TRPV4: variants seen among roughly 807,000 people sequenced by gnomAD.
TRPV4 encodes the protein OSM9-like transient receptor potential channel 4.
Under a neutral mutation model 84.1 loss-of-function variants are expected in TRPV4, and 58 were observed. That is an observed-to-expected ratio of 0.69 (90% CI 0.56 to 0.86). TRPV4 has a LOEUF of 0.86. Among genes scored for constraint, TRPV4 ranks in the 40% least tolerant of loss-of-function variants. The pLI is 0.00. For missense variants in TRPV4, 879 were observed against 1,181.1 expected, an observed-to-expected ratio of 0.74 and a Z score of 3.75; for synonymous variants, 489 against 500.9, an observed-to-expected ratio of 0.98 and a Z score of 0.32.
intron 7 of TRPV4, among the ~76,000 whole-genome samples, chr12:109,795,405 A>G (rs1890325105): frequency 6.6e-6 from 1 of 152,260 alleles, no homozygotes; most frequent in African/African-American, 2.4e-5. Context: ...AAGGAAGCCA[A>G]GCTCACAGAC....
intron 2 of TRPV4, among the ~76,000 whole-genome samples, chr12:109,809,611 CATCA>C (rs1260837120): frequency 6.6e-6 from 1 of 150,622 alleles, no homozygotes; most frequent in Non-Finnish European, 1.5e-5. Context: ...TCCATCCATC[CATCA>C]CTCGTCTATC....
chr12:109,804,728 G>C (rs1302124250), intron 3 of TRPV4, among the ~76,000 whole-genome samples: 2 of 152,100 alleles, frequency 1.3e-5, no homozygotes, highest in African/African-American at 2.4e-5. Flanking sequence ...GCTCAGAGGC[G>C]ACACCAAACC....
chr12:109,803,979 A>C (rs1890967077), intron 3 of TRPV4, among the ~76,000 whole-genome samples: 1 of 152,040 alleles, frequency 6.6e-6, no homozygotes, highest in African/African-American at 2.4e-5. Context: ...GTGCCCCTAG[A>C]AGGGAGTGGA....
intron 1 of TRPV4, among the ~76,000 whole-genome samples, chr12:109,826,877 C>G (rs1376275080): frequency 6.6e-6 from 1 of 152,222 alleles, no homozygotes; most frequent in Non-Finnish European, 1.5e-5. Flanking sequence ...CAGAGTCTCA[C>G]AAAGTGGCCT....
At chr12:109,800,898 G>A (rs1890742896) in intron 4 of TRPV4, 140 bp from the exon 5 acceptor site, 1 of 769,392 alleles carries the variant, frequency 1.3e-6, no homozygotes, top group Non-Finnish European at 2.2e-6. Context: ...ACACCCAAGG[G>A]CAGCAAATAG....
chr12:109,788,810 G>T, intron 12 of TRPV4, 94 bp from the exon 13 acceptor site: 1 of 1,458,792 alleles, frequency 6.9e-7, no homozygotes, highest in Non-Finnish European at 9.5e-7. Context: ...GAAAGCTGAG[G>T]CCTAGTGAGC....
intron 12 of TRPV4, 75 bp downstream of exon 12, chr12:109,792,288 T>A: frequency 1.9e-6 from 2 of 1,034,710 alleles, no homozygotes; most frequent in Non-Finnish European, 3.0e-6. Context: ...GCTGCTATTG[T>A]CCCCTATACA....
intron 2 of TRPV4, among the ~76,000 whole-genome samples, chr12:109,812,463 A>G (rs1364218271): frequency 6.6e-6 from 1 of 152,238 alleles, no homozygotes; most frequent in African/African-American, 2.4e-5. Context: ...AAGACCCAGG[A>G]GGGGCAGCTG....
chr12:109,817,106 G>C (rs937195458), intron 1 of TRPV4, among the ~76,000 whole-genome samples: 2 of 152,200 alleles, frequency 1.3e-5, no homozygotes, highest in Non-Finnish European at 2.9e-5. Flanking sequence ...CGACTGGCCA[G>C]ACAGGAGAGG....
At chr12:109,820,516 ATTTTTT>A (rs1166251387) in intron 1 of TRPV4, among the ~76,000 whole-genome samples, 20 of 92,386 alleles carry the variant, frequency 2.2e-4, no homozygotes, top group African/African-American at 9.0e-4. Context: ...CAGCTGCCCT[ATTTTTT>A]TTTTTTTTTT....
intron 2 of TRPV4, among the ~76,000 whole-genome samples, chr12:109,810,292 G>T (rs141073932): frequency 6.6e-6 from 1 of 152,336 alleles, no homozygotes; most frequent in African/African-American, 2.4e-5. Flanking sequence ...CAATGAATAA[G>T]AGACTAAAGA....
At chr12:109,800,426 AC>A (rs1890699624) in intron 5 of TRPV4, among the ~76,000 whole-genome samples, 191 bp downstream of exon 5, 1 of 131,056 alleles carries the variant, frequency 7.6e-6, no homozygotes, top group Non-Finnish European at 1.6e-5. Context: ...CATGGCACTT[AC>A]ACCTCAGAGG....
chr12:109,809,501 A>C, intron 2 of TRPV4, among the ~76,000 whole-genome samples: 1 of 128,352 alleles, frequency 7.8e-6, no homozygotes, highest in African/African-American at 3.0e-5. Flanking sequence ...CCATCCACTC[A>C]CTCCTCCATC....
At position 109,783,807 on chromosome 12, in the gene TRPV4, G is replaced by GT. The variant is rs1334015026; in HGVS notation, c.2459-30dup. On this transcript the variant is annotated intron_variant, in intron 15 of 15. Coordinates refer to ENST00000261740, the MANE Select transcript of TRPV4 (RefSeq NM_021625.5). This position sits in a 1 kb window ranked among gnomAD's most constrained non-coding sequence, Gnocchi z 4.6. ...CACCGAGAGCACATCAGAGGGAGGG[G>GT]TGGGGGTTGGTGGAGAGAGAGCGTG... 6.2e-7 allele frequency: 1 copy of GT among 1,608,118 alleles called. No individual in the cohort carries two copies. The highest frequency in any genetic ancestry group is 2.2e-5 in the East Asian group (1 of 44,860).
intron 2 of TRPV4, among the ~76,000 whole-genome samples, chr12:109,809,220 T>TCCATCTACCCATCCAC (rs1891355453): frequency 7.0e-6 from 1 of 142,448 alleles, no homozygotes; most frequent in African/African-American, 2.7e-5. Flanking sequence ...CACTCATCCA[T>TCCATCTACCCATCCAC]CCATCTACCC....
At chr12:109,812,226 C>G (rs1891563526) in intron 2 of TRPV4, among the ~76,000 whole-genome samples, 2 of 152,174 alleles carry the variant, frequency 1.3e-5, no homozygotes, top group Non-Finnish European at 2.9e-5. Context: ...GGGGACCAGA[C>G]AAGGTGGTCA....
chr12:109,817,097 G>A (rs889487874), intron 1 of TRPV4, among the ~76,000 whole-genome samples: 19 of 152,268 alleles, frequency 1.2e-4, no homozygotes, highest in East Asian at 3.9e-4. Context: ...AAGTCCTTTC[G>A]ACTGGCCAGA....
intron 5 of TRPV4, among the ~76,000 whole-genome samples, chr12:109,799,373 T>G (rs1449299833): frequency 6.6e-6 from 1 of 152,180 alleles, no homozygotes; most frequent in Non-Finnish European, 1.5e-5. Context: ...GGTCTCAAAC[T>G]CCTGACCTCA....
In TRPV4 at chr12:109,801,896, T is replaced by G. The variant is rs576496594; in HGVS notation, c.712+1095A>C. On this transcript the variant is annotated intron_variant, in intron 4 of 15. Transcript: ENST00000261740. ...CTCCCAGAATTTTGGACTCAAGATA[T>G]AATATTCATGGATTTTGAATCTTAA... Among the ~76,000 whole-genome samples the G allele has an allele frequency of 5.3e-5, 8 of 152,282 alleles. No individual in the cohort carries two copies. In the East Asian group the frequency reaches 9.6e-4, roughly 18 times the overall value.
Sources: allele counts gnomAD v4.1 joint callset (sites outside exome capture counted in the v4.1 genomes callset), GRCh38; gene constraint gnomAD v4.1.1; non-coding constraint Gnocchi (gnomAD v3.1); transcripts MANE v1.5; gene names NCBI Gene and HGNC (gene_info 2026-07-23, HGNC 2026-07-21).